The following CYP4F3 variants were observed in gnomAD, a reference collection of about 807,000 sequenced individuals.
The protein encoded by CYP4F3 is cytochrome P450 family 4 subfamily F member 3, also known as cytochrome P450 4F3.
Under a neutral mutation model 54.8 loss-of-function variants are expected in CYP4F3, and 50 were observed. The observed-to-expected ratio is 0.91, with a 90% CI of 0.73 to 1.16. The LOEUF (loss-of-function observed/expected upper bound fraction) is 1.16, where lower values mean the gene tolerates loss of function less well. Ranked by LOEUF, CYP4F3 falls within the 50% of genes most tolerant of loss-of-function variation. The pLI, the probability that CYP4F3 is intolerant of heterozygous loss-of-function variation, is 0.00. For missense variants in CYP4F3, 715 were observed against 676.2 expected, an observed-to-expected ratio of 1.06 and a Z score of -0.64; for synonymous variants, 244 against 262.6, an observed-to-expected ratio of 0.93 and a Z score of 0.69.
chr19:15,649,351 G>T, intron 6 of CYP4F3, 70 bp downstream of exon 6: 1 of 1,607,372 alleles, frequency 6.2e-7, no homozygotes. Flanking sequence ...GGCTGGGGAG[G>T]ACTGAGCAGG....
intron 1 of CYP4F3, chr19:15,641,174 T>C (rs1201786349): frequency 3.8e-6 from 2 of 529,126 alleles, no homozygotes; most frequent in Non-Finnish European, 3.4e-6. Context: ...TTCTGGACTT[T>C]AATCAGTTTC....
intron 9 of CYP4F3, among the ~76,000 whole-genome samples, chr19:15,656,169 T>C (rs571729591): frequency 2.6e-5 from 4 of 152,070 alleles, no homozygotes; most frequent in Non-Finnish European, 5.9e-5. Context: ...ATCATGTGTG[T>C]TTGTCTCTTC....
At chr19:15,646,926 AC>A in intron 3 of CYP4F3, 125 bp from the exon 4 acceptor site, 1 of 1,356,630 alleles carries the variant, frequency 7.4e-7, no homozygotes, top group Non-Finnish European at 1.0e-6. Context: ...TCTCCCCTTG[AC>A]CCTCTTCTTG....
intron 7 of CYP4F3, 22 bp downstream of exon 7, chr19:15,650,205 A>G (rs1290661120): frequency 6.2e-7 from 1 of 1,614,172 alleles, no homozygotes; most frequent in Non-Finnish European, 8.5e-7. Flanking sequence ...TGGGATCTGA[A>G]TTCAAGAAGT....
chr19:15,650,662 T>C (rs988861693), intron 7 of CYP4F3, among the ~76,000 whole-genome samples: 1 of 16,046 alleles, frequency 6.2e-5, no homozygotes, highest in Non-Finnish European at 1.1e-4. Flanking sequence ...TGCCTTCTTT[T>C]TCTTTCTTTC....
chr19:15,643,341 G>GATACATAC (rs57533713), intron 2 of CYP4F3, among the ~76,000 whole-genome samples: 12 of 148,860 alleles, frequency 8.1e-5, no homozygotes, highest in Admixed American at 6.0e-4. Flanking sequence ...TAGACAGATA[G>GATACATAC]ATACATACAT....
intron 2 of CYP4F3, among the ~76,000 whole-genome samples, chr19:15,644,774 C>T (rs988527530): frequency 6.6e-6 from 1 of 152,208 alleles, no homozygotes; most frequent in African/African-American, 2.4e-5. Flanking sequence ...CTCCTTGACC[C>T]CTGTGCTTCC....
intron 7 of CYP4F3, among the ~76,000 whole-genome samples, chr19:15,651,648 T>C (rs1322189541): frequency 6.6e-6 from 1 of 151,586 alleles, no homozygotes; most frequent in Non-Finnish European, 1.5e-5. Context: ...CACCCGGCCA[T>C]ATTTTTGTCT....
chr19:15,645,732 A>G lies in CYP4F3; in HGVS notation c.212A>G (p.Glu71Gly). Residue 71 changes from glutamate to glycine, a missense_variant, in exon 3 of 13, where the codon GAG becomes GGG. Coordinates refer to ENST00000221307, the MANE Select transcript of CYP4F3 (RefSeq NM_000896.3). ...CTTTCTCTCCAGATTCACAGCTCGG[A>G]GGAAGGTCTCCTATACACACAAAGC... ...LGHLGLIHSSEEGLLYTQSLA... is the reference protein window; with the variant it reads ...LGHLGLIHSSGEGLLYTQSLA... 6.2e-7 allele frequency: 1 copy of G among 1,610,066 alleles called. No homozygotes were observed. Among genetic ancestry groups the G allele is most frequent in the Non-Finnish European group, 8.5e-7 (1 of 1,177,000 alleles).
At chr19:15,644,478 A>G (rs970146076) in intron 2 of CYP4F3, among the ~76,000 whole-genome samples, 3 of 152,218 alleles carry the variant, frequency 2.0e-5, no homozygotes, top group Non-Finnish European at 4.4e-5. Context: ...TGTCTGGAAC[A>G]ATGAGTAGGG....
At chr19:15,644,662 C>T (rs1972572813) in intron 2 of CYP4F3, among the ~76,000 whole-genome samples, 1 of 152,174 alleles carries the variant, frequency 6.6e-6, no homozygotes, top group Non-Finnish European at 1.5e-5. Context: ...TGGGTCAAGT[C>T]CTTTTACCCC....
rs1231916267 is a variant in CYP4F3 at position 15,662,009 on chromosome 19, A to C, written c.*2624A>C. On this transcript the variant is annotated 3_prime_UTR_variant, in exon 13 of 13. Coordinates refer to ENST00000221307, the MANE Select transcript of CYP4F3 (RefSeq NM_000896.3). ...TATCCTTGGCAGGGCACGGTAGCTC[A>C]CACCTGTAATCCCAGCACTTTAGGA... 1 of 152,058 alleles carries C rather than the reference A, an allele frequency of 6.6e-6. No individual in the cohort carries two copies. Among genetic ancestry groups the C allele is most frequent in the African/African-American group, 2.4e-5 (1 of 41,370 alleles). The allele number at this position is 152,058 out of a possible 1,614,324, so 9.4% of individuals were successfully genotyped here.
At chr19:15,658,065 C>G (rs1973074939) in intron 9 of CYP4F3, 199 bp from the exon 10 acceptor site, 1 of 948,040 alleles carries the variant, frequency 1.1e-6, no homozygotes. Flanking sequence ...TTTTTCTGAG[C>G]TCTTTATGCT....
rs1973100045 is a variant in CYP4F3 at position 15,658,655 on chromosome 19, C to T, written c.1315-72C>T. ...TCCAACATCACCTCCCTCCAAGACA[C>T]ACACCACTGTCTCTCCAAGGCTGGC... On this transcript the variant is annotated intron_variant, in intron 11 of 12. Coordinates refer to ENST00000221307, the MANE Select transcript of CYP4F3 (RefSeq NM_000896.3). 3.1e-6 allele frequency: 5 copies of T among 1,609,152 alleles called. No individual in the cohort carries two copies. In the East Asian group the frequency reaches 6.7e-5, roughly 22 times the overall value.
At position 15,652,645 on chromosome 19, in the gene CYP4F3, C is replaced by T. The variant is rs1304449297; in HGVS notation, c.985+10C>T. On this transcript the variant is annotated intron_variant, in intron 8 of 12. Coordinates refer to ENST00000221307, the MANE Select transcript of CYP4F3 (RefSeq NM_000896.3). ...ACCTTTATGTTTGAGGGTGAGGGCCCCAGTGTGGGGCTAGAGTGGGGACTT... is the reference window on the plus strand; with the variant it reads ...ACCTTTATGTTTGAGGGTGAGGGCCTCAGTGTGGGGCTAGAGTGGGGACTT... The T allele has an allele frequency of 6.2e-7, 1 of 1,614,152 alleles. No individual in the cohort carries two copies. Among genetic ancestry groups the T allele is most frequent in the African/African-American group, 1.3e-5 (1 of 75,022 alleles).
intron 7 of CYP4F3, among the ~76,000 whole-genome samples, chr19:15,650,733 TTTC>T (rs1472949644): frequency 4.1e-5 from 5 of 121,974 alleles, no homozygotes; most frequent in East Asian, 2.8e-4. Context: ...TCTTTCTTTC[TTTC>T]TTTTCCTTCC....
Position 15,658,725 on chromosome 19 carries a change from A to C in CYP4F3, c.1315-2A>C. 6.2e-7 allele frequency: 1 copy of C among 1,614,066 alleles called. No individual in the cohort carries two copies. Among genetic ancestry groups the C allele is most frequent in the Non-Finnish European group, 8.5e-7 (1 of 1,179,986 alleles). Reference sequence around the variant, plus strand: ...GGCAACCCTTCTTGGTCTCGCCTCCAGGTCTATGACCCCTTTCGCTTTGAC... The same window carrying C: ...GGCAACCCTTCTTGGTCTCGCCTCCCGGTCTATGACCCCTTTCGCTTTGAC... On this transcript the variant is annotated splice_acceptor_variant, in intron 11 of 12. Transcript: ENST00000221307. LOFTEE classifies it high-confidence loss of function.
At chr19:15,644,314 C>T (rs748309969) in intron 2 of CYP4F3, among the ~76,000 whole-genome samples, 1 of 152,112 alleles carries the variant, frequency 6.6e-6, no homozygotes, top group South Asian at 2.1e-4. Flanking sequence ...CCTGGAGGAA[C>T]CCCCAAGCTT....
At chr19:15,659,161 T>G in intron 12 of CYP4F3, 59 bp from the exon 13 acceptor site, 2 of 1,283,460 alleles carry the variant, frequency 1.6e-6, no homozygotes, top group Non-Finnish European at 2.1e-6. Flanking sequence ...GGTTACCGGC[T>G]TGATGGGGCC....
Sources: allele counts gnomAD v4.1 joint callset (sites outside exome capture counted in the v4.1 genomes callset), GRCh38; gene constraint gnomAD v4.1.1; transcripts MANE v1.5; gene names NCBI Gene and HGNC (gene_info 2026-07-23, HGNC 2026-07-21).